Variants in FUT9 observed in about 807,000 individuals in gnomAD.
The protein encoded by FUT9 is fucosyltransferase 9, also known as 4-galactosyl-N-acetylglucosaminide 3-alpha-L-fucosyltransferase 9.
FUT9 carries 15 observed loss-of-function variants against 29.7 expected under a neutral mutation model. That is an observed-to-expected ratio of 0.51 (90% confidence interval 0.34 to 0.78). FUT9 has a LOEUF of 0.78. Ranked by LOEUF, FUT9 falls within the 30% of genes least tolerant of loss-of-function variation. The probability of loss-of-function intolerance (pLI) is 0.01; values close to 1 mark genes in which losing one functional copy is unlikely to be tolerated. For missense variants in FUT9, 319 were observed against 425.4 expected, an observed-to-expected ratio of 0.75 and a Z score of 2.20; for synonymous variants, 169 against 153.7, an observed-to-expected ratio of 1.10 and a Z score of -0.74.
chr6:96,134,489 T>C (rs1772311046), intron 2 of FUT9, among the ~76,000 whole-genome samples: 1 of 151,898 alleles, frequency 6.6e-6, no homozygotes, highest in Admixed American at 6.6e-5. Context: ...AATGCTCTAT[T>C]GTTTTATAAA....
intron 1 of FUT9, among the ~76,000 whole-genome samples, chr6:96,076,877 A>G (rs961826821): frequency 6.6e-6 from 1 of 152,212 alleles, no homozygotes; most frequent in African/African-American, 2.4e-5. Flanking sequence ...TGAAGTTTAT[A>G]TATCAGATAA....
At chr6:96,051,118 A>C (rs1488588325) in intron 1 of FUT9, among the ~76,000 whole-genome samples, 1 of 152,128 alleles carries the variant, frequency 6.6e-6, no homozygotes, top group Non-Finnish European at 1.5e-5. Flanking sequence ...AATGAGTAGT[A>C]AATATTGCCA....
At chr6:96,100,566 G>A (rs1771571249) in intron 1 of FUT9, among the ~76,000 whole-genome samples, 1 of 152,146 alleles carries the variant, frequency 6.6e-6, no homozygotes, top group Non-Finnish European at 1.5e-5. Context: ...GCCAAAATAT[G>A]GACAAGAACT....
intron 1 of FUT9, among the ~76,000 whole-genome samples, chr6:96,025,742 G>T (rs764387607): frequency 6.6e-6 from 1 of 151,588 alleles, no homozygotes; most frequent in South Asian, 2.1e-4. Flanking sequence ...CCATGACTTT[G>T]TCAGCATCCC....
rs199939242 is a variant in FUT9, at chr6:96,094,688, CT to C, written c.-97-19345del. On this transcript the variant is annotated intron_variant, in intron 1 of 2. Coordinates refer to ENST00000302103, the MANE Select transcript of FUT9 (RefSeq NM_006581.4). Reference sequence around the variant, plus strand: ...ACAATGTTTTTTAATAAAGAAATAGCTTTTTTATTGCTTAACCCAGCACTTC... The same window carrying C: ...ACAATGTTTTTTAATAAAGAAATAGCTTTTTATTGCTTAACCCAGCACTTC... Among the ~76,000 whole-genome samples, 25 of 152,136 alleles carry C rather than the reference CT, an allele frequency of 1.6e-4. No individual in the cohort carries two copies. The East Asian group carries it at 3.7e-3, about 22-fold the overall frequency.
intron 2 of FUT9, among the ~76,000 whole-genome samples, chr6:96,185,383 T>G (rs1773387415): frequency 6.6e-6 from 1 of 152,006 alleles, no homozygotes; most frequent in Non-Finnish European, 1.5e-5. Flanking sequence ...ATTGACTAGA[T>G]GTAGGATTTA....
chr6:96,120,170 GA>G (rs1396025768), intron 2 of FUT9, among the ~76,000 whole-genome samples: 6 of 151,512 alleles, frequency 4.0e-5, no homozygotes, highest in Non-Finnish European at 7.4e-5. Context: ...TACCATCGTA[GA>G]AGTCTATTTT....
intron 2 of FUT9, among the ~76,000 whole-genome samples, chr6:96,164,697 G>T (rs1772981661): frequency 6.6e-6 from 1 of 152,092 alleles, no homozygotes; most frequent in South Asian, 2.1e-4. Flanking sequence ...GCAAAATGAG[G>T]CATGTCTGAC....
intron 2 of FUT9, among the ~76,000 whole-genome samples, chr6:96,180,032 A>T (rs1387363905): frequency 6.6e-6 from 1 of 152,116 alleles, no homozygotes; most frequent in Non-Finnish European, 1.5e-5. Context: ...ATGGTTAAGT[A>T]ACTAGGTTAC....
chr6:96,035,844 ATATAT>A (rs970745464), intron 1 of FUT9, among the ~76,000 whole-genome samples: 13 of 129,708 alleles, frequency 1.0e-4, no homozygotes, highest in Non-Finnish European at 2.1e-4. Context: ...TATTAATATA[ATATAT>A]TATGTTTATT....
chr6:96,162,915 T>C (rs1261725387), intron 2 of FUT9, among the ~76,000 whole-genome samples: 3 of 152,192 alleles, frequency 2.0e-5, no homozygotes, highest in African/African-American at 7.2e-5. Context: ...AGGGAATGCC[T>C]TTCCTGTAGG....
Position 96,188,643 on chromosome 6 carries a change from A to ATATGTG in FUT9, c.-8-14504_-8-14503insATGTGT, listed in dbSNP as rs1554198919. Among the ~76,000 whole-genome samples, 477 of 146,850 alleles carry ATATGTG rather than the reference A, an allele frequency of 3.2e-3. 1 individual carries two copies. Among genetic ancestry groups the ATATGTG allele is most frequent in the African/African-American group, 9.8e-3 (398 of 40,422 alleles). On this transcript the variant is annotated intron_variant, in intron 2 of 2. Transcript: ENST00000302103. ...GGCATATAGAAAGAAATATATATAT[A>ATATGTG]TGTGTGTGTGTGTGTGTGTTTAAAC... is the stretch of plus-strand genomic sequence containing the variant.
chr6:96,192,017 A>C (rs1013352171), intron 2 of FUT9, among the ~76,000 whole-genome samples: 1 of 152,186 alleles, frequency 6.6e-6, no homozygotes, highest in South Asian at 2.1e-4. Context: ...TCATGCAAAA[A>C]ACTCTCAATA....
chr6:96,147,768 C>G (rs1327585219), intron 2 of FUT9, among the ~76,000 whole-genome samples: 3 of 151,264 alleles, frequency 2.0e-5, no homozygotes, highest in Non-Finnish European at 4.4e-5. Context: ...AGAGTGCTAA[C>G]ACATCAGTTG....
intron 2 of FUT9, among the ~76,000 whole-genome samples, chr6:96,126,461 G>A (rs1023662706): frequency 6.6e-6 from 1 of 152,092 alleles, no homozygotes; most frequent in South Asian, 2.1e-4. Flanking sequence ...TTCAGGCCCC[G>A]CCTCCAACAA....
chr6:96,074,255 A>G (rs1204264001), intron 1 of FUT9, among the ~76,000 whole-genome samples: 1 of 152,162 alleles, frequency 6.6e-6, no homozygotes, highest in Non-Finnish European at 1.5e-5. Context: ...ATAAAATTTG[A>G]TGATGTCTGT....
chr6:96,086,155 T>C (rs77777074), intron 1 of FUT9, among the ~76,000 whole-genome samples: 3,774 of 152,304 alleles, frequency 0.025, 89 homozygotes, highest in Non-Finnish European at 0.039. Context: ...ACGTTAACAC[T>C]AACCAGACTT....
At chr6:96,046,808 A>T (rs1770571659) in intron 1 of FUT9, among the ~76,000 whole-genome samples, 1 of 152,220 alleles carries the variant, frequency 6.6e-6, no homozygotes, top group South Asian at 2.1e-4. Flanking sequence ...ACAGTGGAAA[A>T]GACCATTTTT....
intron 2 of FUT9, among the ~76,000 whole-genome samples, chr6:96,129,124 G>C (rs906344188): frequency 2.6e-5 from 4 of 151,538 alleles, no homozygotes; most frequent in African/African-American, 9.7e-5. Context: ...AAATAGCTGG[G>C]CGTGGTGGCG....
Sources: gnomAD v4.1 joint callset for allele counts (sites outside exome capture counted in the v4.1 genomes callset) on GRCh38, gnomAD v4.1.1 for gene constraint, MANE v1.5 for transcripts, NCBI Gene and HGNC (gene_info 2026-07-23, HGNC 2026-07-21) for gene names.